CDH12: variants seen among roughly 807,000 people sequenced by gnomAD.
CDH12 encodes the protein cadherin 12, also known as cadherin-12.
A neutral mutation model predicts 74.1 loss-of-function variants in CDH12; 41 were observed. That is an observed-to-expected ratio of 0.55 (90% CI 0.43 to 0.72). The LOEUF (loss-of-function observed/expected upper bound fraction) is 0.72. Ranked by LOEUF, CDH12 falls within the 30% of genes least tolerant of loss-of-function variation. The pLI is 0.00. For synonymous variants in CDH12, 399 were observed against 355.0 expected, an observed-to-expected ratio of 1.12 and a Z score of -1.39; for missense variants, 945 against 977.2, an observed-to-expected ratio of 0.97 and a Z score of 0.44.
chr5:22,517,157 T>C (rs1382662821), intron 1 of CDH12, among the ~76,000 whole-genome samples: 4 of 152,100 alleles, frequency 2.6e-5, no homozygotes, highest in Non-Finnish European at 5.9e-5. Context: ...CCACTATTTA[T>C]AAAATAACTT....
intron 1 of CDH12, among the ~76,000 whole-genome samples, chr5:22,736,858 A>G (rs1009834349): frequency 1.3e-5 from 2 of 151,934 alleles, no homozygotes; most frequent in African/African-American, 4.8e-5. Flanking sequence ...TGGAATGGGA[A>G]TGTAGTCTGT....
At position 22,251,961 on chromosome 5, in the gene CDH12, C is replaced by T. The variant is rs10055550; in HGVS notation, c.-332-39318G>A. ...GGTATTTTTTAAACCTTTCCAGATA[C>T]AACTGTAGCTTAAAATTACACATTT... On this transcript the variant is annotated intron_variant, in intron 3 of 14. Transcript: ENST00000382254. Among the ~76,000 whole-genome samples the T allele has an allele frequency of 4.7e-3, 720 of 152,206 alleles. 7 individuals are homozygous for T. Among genetic ancestry groups the T allele is most frequent in the African/African-American group, 0.017 (696 of 41,564 alleles).
intron 4 of CDH12, among the ~76,000 whole-genome samples, chr5:22,120,788 T>C (rs1025729375): frequency 1.3e-5 from 2 of 152,166 alleles, no homozygotes; most frequent in Non-Finnish European, 2.9e-5. Flanking sequence ...GGAATCCAGA[T>C]GGAAGGCAAA....
At chr5:22,454,550 T>A (rs1745189929) in intron 2 of CDH12, among the ~76,000 whole-genome samples, 1 of 152,156 alleles carries the variant, frequency 6.6e-6, no homozygotes, top group Non-Finnish European at 1.5e-5. Context: ...CTCAGCTCAC[T>A]GCAACCTCCA....
intron 7 of CDH12, among the ~76,000 whole-genome samples, chr5:21,845,505 T>C (rs1484531719): frequency 6.6e-6 from 1 of 151,602 alleles, no homozygotes; most frequent in Non-Finnish European, 1.5e-5. Flanking sequence ...AGTTCCCCCA[T>C]GAATGCCTGC....
chr5:22,707,933 A>T (rs1743100719), intron 1 of CDH12, among the ~76,000 whole-genome samples: 1 of 152,152 alleles, frequency 6.6e-6, no homozygotes, highest in Non-Finnish European at 1.5e-5. Context: ...TTCTTTGAAA[A>T]ATAAGAGTTT....
intron 6 of CDH12, among the ~76,000 whole-genome samples, chr5:21,879,222 C>G (rs540111438): frequency 6.6e-6 from 1 of 151,504 alleles, no homozygotes; most frequent in Admixed American, 6.5e-5. Flanking sequence ...ACAGCAGTTT[C>G]AAAGCCCACT....
chr5:22,203,646 T>G (rs1751042055), intron 4 of CDH12, among the ~76,000 whole-genome samples: 1 of 152,180 alleles, frequency 6.6e-6, no homozygotes, highest in South Asian at 2.1e-4. Flanking sequence ...GTAGTTCTAT[T>G]TTTAATATTT....
At chr5:22,512,369 G>C (rs956641591) in intron 1 of CDH12, among the ~76,000 whole-genome samples, 2 of 152,106 alleles carry the variant, frequency 1.3e-5, no homozygotes, top group African/African-American at 4.8e-5. Flanking sequence ...ACTTCACTGT[G>C]GGGTGGTGGT....
chr5:22,394,475 T>C (rs544477128), intron 3 of CDH12, among the ~76,000 whole-genome samples: 20 of 152,208 alleles, frequency 1.3e-4, no homozygotes, highest in South Asian at 6.2e-4. Flanking sequence ...AAGGAAGAAT[T>C]ACTCAAAGGC....
intron 3 of CDH12, among the ~76,000 whole-genome samples, chr5:22,227,851 G>C (rs1402828268): frequency 6.6e-6 from 1 of 152,010 alleles, no homozygotes. Flanking sequence ...TTCCAATGTG[G>C]CGACATGGCA....
chr5:22,255,270 T>A (rs1414572771), intron 3 of CDH12, among the ~76,000 whole-genome samples: 1 of 151,894 alleles, frequency 6.6e-6, no homozygotes, highest in East Asian at 1.9e-4. Context: ...GTGATTTTTT[T>A]TTTTGAGTGA....
Position 21,788,825 on chromosome 5 carries a change from T to C in CDH12, c.1257-5331A>G, listed in dbSNP as rs115008017. Reference sequence around the variant, plus strand: ...CACTTCATACAGTCATCAGTTTTTATTCTTTGATAATCTTTTCCTTTTGAT... The same window carrying C: ...CACTTCATACAGTCATCAGTTTTTACTCTTTGATAATCTTTTCCTTTTGAT... On this transcript the variant is annotated intron_variant, in intron 10 of 14. Coordinates refer to ENST00000382254, the MANE Select transcript of CDH12 (RefSeq NM_004061.5). 5.3e-3 allele frequency among the ~76,000 whole-genome samples: 805 copies of C among 152,190 alleles called. 5 individuals are homozygous for C. The highest frequency in any genetic ancestry group is 0.018 in the African/African-American group (749 of 41,552).
intron 1 of CDH12, among the ~76,000 whole-genome samples, chr5:22,842,789 G>A (rs1223032335): frequency 6.6e-6 from 1 of 152,000 alleles, no homozygotes; most frequent in Non-Finnish European, 1.5e-5. Flanking sequence ...ATATTTTTGC[G>A]ATTAGTCATC....
intron 3 of CDH12, among the ~76,000 whole-genome samples, chr5:22,321,104 G>A (rs1395953813): frequency 2.0e-5 from 3 of 152,120 alleles, no homozygotes; most frequent in Non-Finnish European, 4.4e-5. Context: ...TTGCACAACT[G>A]ATAGGGGACA....
intron 4 of CDH12, among the ~76,000 whole-genome samples, chr5:22,178,287 T>G (rs1392393560): frequency 6.6e-6 from 1 of 152,176 alleles, no homozygotes; most frequent in Non-Finnish European, 1.5e-5. Flanking sequence ...GAGATATCAT[T>G]GACTTAATTA....
chr5:22,805,385 G>T (rs1230477935), intron 1 of CDH12, among the ~76,000 whole-genome samples: 1 of 151,770 alleles, frequency 6.6e-6, no homozygotes, highest in Non-Finnish European at 1.5e-5. Context: ...TTACACATAA[G>T]AGTGAAATAA....
intron 3 of CDH12, among the ~76,000 whole-genome samples, chr5:22,384,576 C>T (rs192932385): frequency 3.3e-3 from 489 of 150,284 alleles, no homozygotes; most frequent in Non-Finnish European, 5.6e-3. Flanking sequence ...CTTTTTTATC[C>T]ATTACCAAAA....
chr5:21,901,008 G>A (rs1753360358), intron 6 of CDH12, among the ~76,000 whole-genome samples: 1 of 152,150 alleles, frequency 6.6e-6, no homozygotes, highest in African/African-American at 2.4e-5. Context: ...CAGTTGCTCA[G>A]TAAATATTGT....
Sources: gnomAD v4.1 joint callset for allele counts (sites outside exome capture counted in the v4.1 genomes callset) on GRCh38, gnomAD v4.1.1 for gene constraint, MANE v1.5 for transcripts, NCBI Gene and HGNC (gene_info 2026-07-23, HGNC 2026-07-21) for gene names.